BCL11B: variants seen among roughly 807,000 people sequenced by gnomAD.
The protein encoded by BCL11B is B-cell lymphoma/leukemia 11B.
Under a neutral mutation model 49.9 loss-of-function variants are expected in BCL11B, and 8 were observed. The observed-to-expected ratio is 0.16, with a 90% CI of 0.09 to 0.29. BCL11B has a LOEUF of 0.29. Ranked by LOEUF, BCL11B falls within the 10% of genes least tolerant of loss-of-function variation. The probability of loss-of-function intolerance (pLI) is 1.00; values close to 1 mark genes in which losing one functional copy is unlikely to be tolerated. For missense variants in BCL11B, 1,006 were observed against 1,351.0 expected (o/e 0.74, Z 4.00); for synonymous variants, 739 against 637.4 (o/e 1.16, Z -2.40).
chr14:99,219,029 CT>C (rs900709756), intron 3 of BCL11B, among the ~76,000 whole-genome samples: 2 of 147,502 alleles, frequency 1.4e-5, no homozygotes, highest in African/African-American at 2.5e-5. Context: ...CATTTCTTTT[CT>C]TTTTTTTATT....
intron 2 of BCL11B, among the ~76,000 whole-genome samples, chr14:99,245,364 T>C (rs1340038746): frequency 6.6e-6 from 1 of 152,212 alleles, no homozygotes; most frequent in African/African-American, 2.4e-5. Context: ...TCCCACACAA[T>C]TGGGAAAACA....
chr14:99,180,098 ACCCCCCT>A (rs1886657639), intron 3 of BCL11B, among the ~76,000 whole-genome samples: 1 of 151,590 alleles, frequency 6.6e-6, no homozygotes, highest in Non-Finnish European at 1.5e-5. Flanking sequence ...CCTGGCTGTC[ACCCCCCT>A]CCAGGAACTG....
At chr14:99,183,145 G>A (rs1213193846) in intron 3 of BCL11B, among the ~76,000 whole-genome samples, 1 of 152,088 alleles carries the variant, frequency 6.6e-6, no homozygotes, top group South Asian at 2.1e-4. Flanking sequence ...TGCTGGGAGA[G>A]AGAAGAATTC....
intron 3 of BCL11B, among the ~76,000 whole-genome samples, chr14:99,199,212 G>T (rs2139814205): frequency 6.6e-6 from 1 of 152,288 alleles, no homozygotes; most frequent in Non-Finnish European, 1.5e-5. Context: ...AAGGTCAACT[G>T]GCAGTTAGAA....
rs564905130 is a variant in BCL11B, at chr14:99,235,670, CT to C, written c.428-4114del. The stretch of plus-strand genomic sequence containing the variant: ...CCCCCCTCTCTTTTATCTTGGGCTT[CT>C]TTTTTTTTTCTTTTTTCTTTTTTTG... On this transcript the variant is annotated intron_variant, in intron 2 of 3. Coordinates refer to ENST00000357195, the MANE Select transcript of BCL11B (RefSeq NM_138576.4). Among the ~76,000 whole-genome samples the C allele has an allele frequency of 1.2e-4, 17 of 143,230 alleles. 1 individual carries two copies. In the South Asian group the frequency reaches 2.2e-3, roughly 19 times the overall value. The allele number at this position is 143,230 out of a possible 152,430, so 94.0% of individuals were successfully genotyped here. A position where few individuals can be genotyped will look rare whatever the true frequency, so the allele number is the denominator to read the frequency against.
intron 3 of BCL11B, among the ~76,000 whole-genome samples, chr14:99,176,697 C>T (rs1181802644): frequency 6.6e-6 from 1 of 152,074 alleles, no homozygotes; most frequent in African/African-American, 2.4e-5. Context: ...CTGTCCTGCG[C>T]ATTGCAGGAT....
chr14:99,269,875 T>TAAAAAA (rs56659919), intron 1 of BCL11B, among the ~76,000 whole-genome samples: 2 of 41,232 alleles, frequency 4.9e-5, no homozygotes, highest in Non-Finnish European at 7.3e-5. Flanking sequence ...CTATTGCAGT[T>TAAAAAA]AAAAAAAAAA....
chr14:99,254,800 G>A (rs1459579411), intron 2 of BCL11B, among the ~76,000 whole-genome samples: 1 of 152,226 alleles, frequency 6.6e-6, no homozygotes, highest in African/African-American at 2.4e-5. Flanking sequence ...AAGTGCCCGT[G>A]ATTCCTAGTC....
chr14:99,263,022 G>C (rs1889382038), intron 1 of BCL11B: 1 of 152,224 alleles, frequency 6.6e-6, no homozygotes, highest in Admixed American at 6.5e-5. Context: ...AGATAAGAGG[G>C]AGGCTGGTGT....
In BCL11B at chr14:99,271,820, CT is replaced by C. The variant is rs1286138753; in HGVS notation, c.-603del. 1.3e-5 allele frequency among the ~76,000 whole-genome samples: 2 copies of C among 152,094 alleles called. No homozygotes were observed. The highest frequency in any genetic ancestry group is 2.9e-5 in the Non-Finnish European group (2 of 68,004). On this transcript the variant is annotated 5_prime_UTR_variant, in exon 1 of 4. Coordinates refer to ENST00000357195, the MANE Select transcript of BCL11B (RefSeq NM_138576.4). The stretch of plus-strand genomic sequence containing the variant: ...AACTTGGGGACTTGTCTCGTACCCC[CT>C]CACCCCGCCCCCTCAAAAAACCCAA...
rs138330272 is a variant in BCL11B, at chr14:99,241,997, G to A, written c.428-10440C>T. ...TGTTTAACGTGTCTGTCCTCCACTC[G>A]ACTACAAGCCCACTTGGGTTTAAGG... On this transcript the variant is annotated intron_variant, in intron 2 of 3. Transcript: ENST00000357195. The surrounding 1 kb of genome is among the most constrained non-coding windows in gnomAD (Gnocchi z 4.4). 1.6e-3 allele frequency among the ~76,000 whole-genome samples: 247 copies of A among 152,220 alleles called. No homozygotes were observed. The highest frequency in any genetic ancestry group is 5.9e-3 in the African/African-American group (244 of 41,520).
At position 99,175,763 on chromosome 14, in the gene BCL11B, G is replaced by C; in HGVS notation, c.1073C>G (p.Ser358Trp). The C allele has an allele frequency of 6.8e-7, 1 of 1,466,400 alleles. No homozygotes were observed. Among genetic ancestry groups the C allele is most frequent in the Non-Finnish European group, 8.9e-7 (1 of 1,122,914 alleles). The allele number at this position is 1,466,400 out of a possible 1,614,324, so 90.8% of individuals were successfully genotyped here. ...VMRLNPMAID[S>W]PAMDFSRRLR... ...CCGCCGCGAGAAGTCCATGGCGGGC[G>C]AGTCGATGGCCATGGGGTTCAGGCG... is the stretch of plus-strand genomic sequence containing the variant. Residue 358 changes from serine (S) to tryptophan (W), a missense_variant, in exon 4 of 4, where the codon TCG becomes TGG. Physicochemically the swap from Ser to Trp is radical, Grantham distance 177 (BLOSUM62 -3). Transcript: ENST00000357195.
intron 3 of BCL11B, among the ~76,000 whole-genome samples, chr14:99,221,123 T>C (rs1566816411): frequency 6.6e-6 from 1 of 152,230 alleles, no homozygotes. Flanking sequence ...CCCAAAGTGC[T>C]GGGATTACAG....
intron 3 of BCL11B, among the ~76,000 whole-genome samples, chr14:99,196,164 A>C (rs1257430): frequency 0.8 from 122,398 of 152,056 alleles, 49,809 homozygotes; most frequent in Non-Finnish European, 0.87. Context: ...GCATTCCCAA[A>C]GGCAAACACC....
At chr14:99,215,944 A>G (rs1291051429) in intron 3 of BCL11B, among the ~76,000 whole-genome samples, 1 of 152,158 alleles carries the variant, frequency 6.6e-6, no homozygotes, top group Non-Finnish European at 1.5e-5. Context: ...GCCCCCAGGA[A>G]CAGAGGGCAG....
At chr14:99,222,033 G>A (rs1260678722) in intron 3 of BCL11B, among the ~76,000 whole-genome samples, 1 of 152,196 alleles carries the variant, frequency 6.6e-6, no homozygotes, top group Admixed American at 6.5e-5. Flanking sequence ...ACTGCTTTTT[G>A]GGTAAAAGTG....
In BCL11B at chr14:99,194,418, C is replaced by T. The variant is rs1887122827; in HGVS notation, c.641-18223G>A. 1.3e-5 allele frequency among the ~76,000 whole-genome samples: 2 copies of T among 152,256 alleles called. No homozygotes were observed. Among genetic ancestry groups the T allele is most frequent in the African/African-American group, 2.4e-5 (1 of 41,472 alleles). On this transcript the variant is annotated intron_variant, in intron 3 of 3. Coordinates refer to ENST00000357195, the MANE Select transcript of BCL11B (RefSeq NM_138576.4). This position sits in a 1 kb window ranked among gnomAD's most constrained non-coding sequence, Gnocchi z 4.6. ...GCAGGGCCAGGAAGATGCCTGTAGG[C>T]ATGGCCAGAGCTCTGTCCTTCTCGG... is the stretch of plus-strand genomic sequence containing the variant.
chr14:99,198,796 C>T (rs1183216650), intron 3 of BCL11B, among the ~76,000 whole-genome samples: 3 of 152,304 alleles, frequency 2.0e-5, no homozygotes, highest in African/African-American at 2.4e-5. Flanking sequence ...ACCCCACCCC[C>T]GGTCAGCACA....
At chr14:99,212,698 C>T (rs1179940119) in intron 3 of BCL11B, among the ~76,000 whole-genome samples, 1 of 152,134 alleles carries the variant, frequency 6.6e-6, no homozygotes, top group Non-Finnish European at 1.5e-5. Flanking sequence ...AGAGAACAAC[C>T]CCTCCACGCC....
Sources: allele counts gnomAD v4.1 joint callset (sites outside exome capture counted in the v4.1 genomes callset), GRCh38; gene constraint gnomAD v4.1.1; non-coding constraint Gnocchi (gnomAD v3.1); transcripts MANE v1.5; gene names NCBI Gene and HGNC (gene_info 2026-07-23, HGNC 2026-07-21).